Variants in ARHGAP24 observed in about 807,000 individuals in gnomAD.
ARHGAP24 encodes the protein rho GTPase-activating protein 24.
A neutral mutation model predicts 76.4 loss-of-function variants in ARHGAP24; 50 were observed. The observed-to-expected ratio is 0.65, with a 90% CI of 0.52 to 0.83. The LOEUF is 0.83. Ranked by LOEUF, ARHGAP24 falls within the 40% of genes least tolerant of loss-of-function variation. The pLI is 0.00. For missense variants in ARHGAP24, 930 were observed against 914.2 expected, an observed-to-expected ratio of 1.02 and a Z score of -0.22; for synonymous variants, 345 against 323.3, an observed-to-expected ratio of 1.07 and a Z score of -0.72.
At chr4:85,745,001 C>G (rs1482975119) in intron 3 of ARHGAP24, among the ~76,000 whole-genome samples, 1 of 152,084 alleles carries the variant, frequency 6.6e-6, no homozygotes, top group Non-Finnish European at 1.5e-5. Context: ...AATCCAGTCT[C>G]AATGCTCTCC....
In ARHGAP24 at chr4:85,954,426, A is replaced by G. The variant is rs949064260; in HGVS notation, c.599+12153A>G. On this transcript the variant is annotated intron_variant, in intron 5 of 9. Transcript: ENST00000395184. ...CTTATCATCTGCCTTCCCCATGCCA[A>G]TTTAAGCTCCTTGAGGGCAGGATCC... 2.0e-5 allele frequency among the ~76,000 whole-genome samples: 3 copies of G among 152,084 alleles called. No individual in the cohort carries two copies. In the East Asian group the frequency reaches 5.8e-4, roughly 29 times the overall value.
chr4:85,518,654 A>T (rs529713431), intron 1 of ARHGAP24, among the ~76,000 whole-genome samples: 1 of 152,144 alleles, frequency 6.6e-6, no homozygotes, highest in Non-Finnish European at 1.5e-5. Context: ...ACCTAGAATA[A>T]TAGTCACCAA....
Position 85,882,044 on chromosome 4 carries a change from G to T in ARHGAP24, c.269-41604G>T, listed in dbSNP as rs550140219. Among the ~76,000 whole-genome samples the T allele has an allele frequency of 2.0e-5, 3 of 152,238 alleles. No individual in the cohort carries two copies. In the South Asian group the frequency reaches 6.2e-4, roughly 32 times the overall value. ...TTTTAAATATTGAAATTTGGAATTTGATGGGGGAAATAAAAATCAGAAGAT... is the reference window on the plus strand; with the variant it reads ...TTTTAAATATTGAAATTTGGAATTTTATGGGGGAAATAAAAATCAGAAGAT... On this transcript the variant is annotated intron_variant, in intron 3 of 9. Transcript: ENST00000395184.
intron 3 of ARHGAP24, among the ~76,000 whole-genome samples, chr4:85,833,963 T>C (rs1204407786): frequency 6.6e-6 from 1 of 152,236 alleles, no homozygotes. Context: ...TTATTTAACT[T>C]TTGTGAAGCT....
At chr4:85,547,297 T>C (rs963738702) in intron 1 of ARHGAP24, among the ~76,000 whole-genome samples, 8 of 152,208 alleles carry the variant, frequency 5.3e-5, no homozygotes, top group South Asian at 2.1e-4. Context: ...TTTTGCAATA[T>C]GTCCCTCAGT....
At chr4:85,688,143 C>G (rs945680809) in intron 2 of ARHGAP24, among the ~76,000 whole-genome samples, 1 of 152,100 alleles carries the variant, frequency 6.6e-6, no homozygotes, top group South Asian at 2.1e-4. Context: ...TTTGAGAGAT[C>G]TCCAAACTCC....
intron 2 of ARHGAP24, among the ~76,000 whole-genome samples, chr4:85,644,024 T>C (rs561541956): frequency 6.6e-6 from 1 of 152,284 alleles, no homozygotes; most frequent in South Asian, 2.1e-4. Context: ...CTTTTAAAAC[T>C]ACATGCAATA....
chr4:85,609,707 A>G (rs1720317256), intron 2 of ARHGAP24, among the ~76,000 whole-genome samples: 1 of 152,208 alleles, frequency 6.6e-6, no homozygotes, highest in Non-Finnish European at 1.5e-5. Context: ...TAATTGACAC[A>G]TAATAATTGC....
At chr4:85,609,335 G>T (rs537583036) in intron 2 of ARHGAP24, among the ~76,000 whole-genome samples, 1 of 152,236 alleles carries the variant, frequency 6.6e-6, no homozygotes, top group African/African-American at 2.4e-5. Flanking sequence ...TGGAATGTAT[G>T]CCTCCATTAC....
rs112116369 is a variant in ARHGAP24 at position 85,508,797 on chromosome 4, C to T, written c.-21+33238C>T. Among the ~76,000 whole-genome samples the T allele has an allele frequency of 9.6e-3, 1,458 of 152,158 alleles. 22 individuals carry two copies. Among genetic ancestry groups the T allele is most frequent in the African/African-American group, 0.033 (1,377 of 41,500 alleles). On this transcript the variant is annotated intron_variant, in intron 1 of 9. Coordinates refer to ENST00000395184, the MANE Select transcript of ARHGAP24 (RefSeq NM_001025616.3). ...GCTGTGACTTGACAACCAAACTGGC[C>T]GGGTCAGCCTGATTTCTCCATATGT...
chr4:85,549,593 A>G (rs1186870856), intron 1 of ARHGAP24, among the ~76,000 whole-genome samples: 1 of 151,978 alleles, frequency 6.6e-6, no homozygotes, highest in Non-Finnish European at 1.5e-5. Flanking sequence ...TGGCTTGCCT[A>G]TACACTGTTT....
Position 85,563,935 on chromosome 4 carries a change from G to C in ARHGAP24, c.-20-6587G>C, listed in dbSNP as rs1450262227. ...ATTTAGGACACTAAAAGAGTTCCAG[G>C]TTCTAAATCAGGTACACAGCTACAG... On this transcript the variant is annotated intron_variant, in intron 1 of 9. Transcript: ENST00000395184. Among the ~76,000 whole-genome samples, 4 of 152,224 alleles carry C rather than the reference G, an allele frequency of 2.6e-5. No individual in the cohort carries two copies. In the East Asian group the frequency reaches 7.7e-4, roughly 29 times the overall value.
rs573138769 is a variant in ARHGAP24 at position 85,959,120 on chromosome 4, G to C, written c.600-12916G>C. 3.9e-5 allele frequency among the ~76,000 whole-genome samples: 6 copies of C among 152,302 alleles called. No individual in the cohort carries two copies. The South Asian group carries it at 1.0e-3, about 26-fold the overall frequency. ...GACAGAGCAGCCCCGACGGCTGCTG[G>C]TTGCTGATTTTTATGGTTATTTCTT... is the stretch of plus-strand genomic sequence containing the variant. On this transcript the variant is annotated intron_variant, in intron 5 of 9. Transcript: ENST00000395184.
chr4:85,990,852 C>T (rs537198282), intron 8 of ARHGAP24: 11 of 151,960 alleles, frequency 7.2e-5, no homozygotes, highest in African/African-American at 2.7e-4. Flanking sequence ...AATCTTATGA[C>T]GTTGTGCTAG....
chr4:85,947,611 C>T (rs925836838), intron 5 of ARHGAP24, among the ~76,000 whole-genome samples: 2 of 152,158 alleles, frequency 1.3e-5, no homozygotes, highest in African/African-American at 4.8e-5. Flanking sequence ...CATGGATAGA[C>T]ACATGGTGAG....
intron 2 of ARHGAP24, among the ~76,000 whole-genome samples, chr4:85,673,685 TAAA>T (rs1474160118): frequency 1.4e-5 from 2 of 144,954 alleles, no homozygotes; most frequent in Non-Finnish European, 3.1e-5. Flanking sequence ...TCCCCACTGG[TAAA>T]GTGAAACACC....
intron 3 of ARHGAP24, among the ~76,000 whole-genome samples, chr4:85,746,373 C>T (rs1023225745): frequency 2.6e-5 from 4 of 152,194 alleles, no homozygotes; most frequent in Non-Finnish European, 5.9e-5. Context: ...TTTCTACAAA[C>T]TTATCCATCC....
chr4:85,587,787 G>T (rs1326022058), intron 2 of ARHGAP24, among the ~76,000 whole-genome samples: 1 of 152,084 alleles, frequency 6.6e-6, no homozygotes, highest in Non-Finnish European at 1.5e-5. Flanking sequence ...TTCATGAATA[G>T]ATTTATGCAT....
chr4:85,926,494 T>A (rs542354452), intron 4 of ARHGAP24, among the ~76,000 whole-genome samples: 1 of 152,280 alleles, frequency 6.6e-6, no homozygotes, highest in African/African-American at 2.4e-5. Flanking sequence ...TTAATACTGA[T>A]AAGAGATCCC....
Sources: allele counts gnomAD v4.1 joint callset (sites outside exome capture counted in the v4.1 genomes callset), GRCh38; gene constraint gnomAD v4.1.1; transcripts MANE v1.5; gene names NCBI Gene and HGNC (gene_info 2026-07-23, HGNC 2026-07-21).